The following STPG2 variants were observed in gnomAD, a reference collection of about 807,000 sequenced individuals.
STPG2 encodes sperm-tail PG-rich repeat-containing protein 2.
A neutral mutation model predicts 54.2 loss-of-function variants in STPG2; 56 were observed. The ratio of observed to expected loss-of-function variants is 1.03; its 90% CI spans 0.83 to 1.29. The LOEUF (loss-of-function observed/expected upper bound fraction) is 1.29. Ranked by LOEUF, STPG2 falls within the 50% of genes most tolerant of loss-of-function variation. The probability of loss-of-function intolerance (pLI) is 0.00; values close to 1 mark genes in which losing one functional copy is unlikely to be tolerated. For synonymous variants in STPG2, 200 were observed against 181.8 expected (o/e 1.10, Z -0.81); for missense variants, 596 against 544.9 (o/e 1.09, Z -0.93).
rs914873452 is a variant in STPG2, at chr4:98,008,666, G to GA, written c.613-27349dup. Among the ~76,000 whole-genome samples the GA allele has an allele frequency of 9.4e-4, 133 of 141,876 alleles. 1 individual carries two copies. Among genetic ancestry groups the GA allele is most frequent in the Non-Finnish European group, 1.5e-3 (99 of 64,780 alleles). 93.1% of individuals were successfully genotyped at this position (141,876 alleles called of 152,430 possible). On this transcript the variant is annotated intron_variant, in intron 5 of 10. Coordinates refer to ENST00000295268, the MANE Select transcript of STPG2 (RefSeq NM_174952.3). Reference sequence around the variant, plus strand: ...TCCTCCAAACCACAAAGATAAACAAGAAAAAAAAAAGACTCCACAAAACAA... The same window carrying GA: ...TCCTCCAAACCACAAAGATAAACAAGAAAAAAAAAAAGACTCCACAAAACAA...
intron 10 of STPG2, among the ~76,000 whole-genome samples, chr4:97,577,345 A>G (rs1257986406): frequency 6.6e-6 from 1 of 152,222 alleles, no homozygotes. Context: ...CAACCTAGGT[A>G]TCCATACGTG....
intron 8 of STPG2, among the ~76,000 whole-genome samples, chr4:97,940,453 C>T (rs1732934177): frequency 1.3e-5 from 2 of 152,126 alleles, no homozygotes; most frequent in African/African-American, 2.4e-5. Context: ...ACAGACTTGG[C>T]CTCTTAAAAT....
At chr4:97,768,166 C>CA (rs35923469) in intron 9 of STPG2, among the ~76,000 whole-genome samples, 56,002 of 126,662 alleles carry the variant, frequency 0.44, 10,830 homozygotes, top group Middle Eastern at 0.5. Context: ...GACTCCGTCT[C>CA]AAAAAAAAAA....
intron 8 of STPG2, among the ~76,000 whole-genome samples, chr4:97,892,797 C>A (rs771841151): frequency 1.3e-5 from 2 of 152,076 alleles, no homozygotes; most frequent in African/African-American, 4.8e-5. Context: ...TAAAGAGAAT[C>A]CCCCTAAGGC....
At chr4:97,678,097 A>T (rs567219523) in intron 10 of STPG2, among the ~76,000 whole-genome samples, 1 of 152,236 alleles carries the variant, frequency 6.6e-6, no homozygotes, top group South Asian at 2.1e-4. Context: ...AGTAAAAAAA[A>T]AAATAAATGA....
At chr4:97,872,708 A>T (rs1560565327) in intron 8 of STPG2, among the ~76,000 whole-genome samples, 1 of 150,972 alleles carries the variant, frequency 6.6e-6, no homozygotes, top group Non-Finnish European at 1.5e-5. Flanking sequence ...AATAAATTTA[A>T]TAAAAACAAT....
In STPG2 at chr4:97,924,574, G is replaced by A. The variant is rs1732263571; in HGVS notation, c.1044+19323C>T. On this transcript the variant is annotated intron_variant, in intron 8 of 10. Transcript: ENST00000295268. Reference sequence around the variant, plus strand: ...AAAGATGACAGCCTTCTTCATTAGGGGAGGTAATTTTGAAAAGGGATATGA... The same window carrying A: ...AAAGATGACAGCCTTCTTCATTAGGAGAGGTAATTTTGAAAAGGGATATGA... Among the ~76,000 whole-genome samples, 3 of 152,054 alleles carry A rather than the reference G, an allele frequency of 2.0e-5. No homozygotes were observed. In the South Asian group the frequency reaches 6.2e-4, roughly 32 times the overall value.
chr4:97,726,757 T>C (rs926355377), intron 9 of STPG2, among the ~76,000 whole-genome samples: 1 of 151,750 alleles, frequency 6.6e-6, no homozygotes, highest in Non-Finnish European at 1.5e-5. Flanking sequence ...AGCTCTTCTA[T>C]ACAAGTTGGT....
At chr4:97,833,713 T>G (rs1728543828) in intron 9 of STPG2, among the ~76,000 whole-genome samples, 1 of 152,104 alleles carries the variant, frequency 6.6e-6, no homozygotes, top group Non-Finnish European at 1.5e-5. Context: ...CAGACACTTC[T>G]CAAAAGAAGA....
chr4:98,100,264 C>T (rs943720985), intron 5 of STPG2, among the ~76,000 whole-genome samples: 7 of 152,058 alleles, frequency 4.6e-5, no homozygotes, highest in Admixed American at 4.6e-4. Flanking sequence ...CCTCACTTCA[C>T]TATATGTTTT....
chr4:97,876,672 A>AT (rs1480490403), intron 8 of STPG2, among the ~76,000 whole-genome samples: 2 of 152,050 alleles, frequency 1.3e-5, no homozygotes, highest in African/African-American at 2.4e-5. Flanking sequence ...GTTTTAAAAC[A>AT]TTTTTTAAAA....
At chr4:97,545,550 T>A (rs1421414054) in intron 4 of STPG2, among the ~76,000 whole-genome samples, 2 of 151,468 alleles carry the variant, frequency 1.3e-5, no homozygotes, top group Non-Finnish European at 2.9e-5. Flanking sequence ...AGAAATGGAG[T>A]GGAAATAAGT....
At chr4:97,668,996 G>A (rs72892836) in intron 10 of STPG2, among the ~76,000 whole-genome samples, 13,227 of 151,738 alleles carry the variant, frequency 0.087, 1,629 homozygotes, top group African/African-American at 0.28. Context: ...AGCAGGTAAA[G>A]AAGAAAGATA....
intron 4 of STPG2, among the ~76,000 whole-genome samples, chr4:97,534,401 GT>G (rs1731483369): frequency 6.6e-6 from 1 of 151,978 alleles, no homozygotes; most frequent in Admixed American, 6.6e-5. Context: ...GTTATATACT[GT>G]TACCTTTTAC....
chr4:97,825,920 C>T (rs1168553030), intron 9 of STPG2, among the ~76,000 whole-genome samples: 2 of 152,036 alleles, frequency 1.3e-5, no homozygotes, highest in African/African-American at 2.4e-5. Flanking sequence ...CTAAATTAGG[C>T]AGGTGATGTA....
At chr4:97,638,103 G>A (rs984070943) in intron 10 of STPG2, among the ~76,000 whole-genome samples, 12 of 152,088 alleles carry the variant, frequency 7.9e-5, no homozygotes, top group Admixed American at 2.0e-4. Context: ...ATACTACAAG[G>A]CTACAGTAAC....
intron 9 of STPG2, among the ~76,000 whole-genome samples, chr4:97,777,566 G>A (rs1199313445): frequency 1.3e-5 from 2 of 152,184 alleles, no homozygotes. Flanking sequence ...CTAGGGAATG[G>A]ACAAAAGGAT....
At chr4:98,082,491 G>A (rs1408846349) in intron 5 of STPG2, among the ~76,000 whole-genome samples, 5 of 96,534 alleles carry the variant, frequency 5.2e-5, no homozygotes, top group African/African-American at 1.6e-4. Flanking sequence ...TTTTTTTGTC[G>A]CCCAGGCTGG....
At chr4:98,038,897 T>C (rs563636367) in intron 5 of STPG2, among the ~76,000 whole-genome samples, 1 of 151,798 alleles carries the variant, frequency 6.6e-6, no homozygotes, top group African/African-American at 2.4e-5. Flanking sequence ...CAAATAAACA[T>C]AGGAAACAAT....
Sources: gnomAD v4.1 joint callset for allele counts (sites outside exome capture counted in the v4.1 genomes callset) on GRCh38, gnomAD v4.1.1 for gene constraint, MANE v1.5 for transcripts, NCBI Gene and HGNC (gene_info 2026-07-23, HGNC 2026-07-21) for gene names.